The following GPBP1 variants were observed in gnomAD, a reference collection of about 807,000 sequenced individuals.
The protein encoded by GPBP1 is vasculin.
A neutral mutation model predicts 56.5 loss-of-function variants in GPBP1; 13 were observed. The ratio of observed to expected loss-of-function variants is 0.23; its 90% confidence interval spans 0.15 to 0.37. GPBP1 has a LOEUF of 0.37. Among genes scored for constraint, GPBP1 ranks in the 10% least tolerant of loss-of-function variants. The pLI is 1.00. For missense variants in GPBP1, 477 were observed against 572.3 expected, an observed-to-expected ratio of 0.83 and a Z score of 1.70; for synonymous variants, 204 against 188.9, an observed-to-expected ratio of 1.08 and a Z score of -0.66.
chr5:57,218,576 C>T (rs1057389391), intron 3 of GPBP1, among the ~76,000 whole-genome samples: 1 of 152,114 alleles, frequency 6.6e-6, no homozygotes, highest in South Asian at 2.1e-4. Context: ...AAAGTTCATA[C>T]CCTCTAATCA....
At chr5:57,197,574 G>T (rs1341910636) in intron 2 of GPBP1, among the ~76,000 whole-genome samples, 2 of 152,044 alleles carry the variant, frequency 1.3e-5, no homozygotes, top group African/African-American at 4.8e-5. Flanking sequence ...GGCCAGGCTG[G>T]TCTAGAACTC....
chr5:57,211,607 A>G (rs933761502), intron 2 of GPBP1, among the ~76,000 whole-genome samples: 4 of 122,206 alleles, frequency 3.3e-5, no homozygotes, highest in African/African-American at 1.3e-4. Flanking sequence ...GTTGTTGGAG[A>G]TGGAGTTTCC....
At chr5:57,177,146 A>T (rs760519203) in intron 2 of GPBP1, among the ~76,000 whole-genome samples, 3 of 152,174 alleles carry the variant, frequency 2.0e-5, no homozygotes, top group Non-Finnish European at 4.4e-5. Context: ...TCAAGAGGTT[A>T]TGCTGGCCTA....
intron 1 of GPBP1, among the ~76,000 whole-genome samples, chr5:57,174,448 G>A (rs527682530): frequency 6.6e-6 from 1 of 152,228 alleles, no homozygotes; most frequent in Admixed American, 6.5e-5. Context: ...GGGGGTGGGT[G>A]GTTTAGCCCC....
chr5:57,206,706 G>C (rs1168631193), intron 2 of GPBP1, among the ~76,000 whole-genome samples: 1 of 152,006 alleles, frequency 6.6e-6, no homozygotes. Flanking sequence ...TGGGTAGGGG[G>C]GTCCAATGGC....
At chr5:57,174,607 C>G (rs1350900645) in intron 1 of GPBP1, among the ~76,000 whole-genome samples, 2 of 152,076 alleles carry the variant, frequency 1.3e-5, no homozygotes, top group Non-Finnish European at 2.9e-5. Flanking sequence ...GAGTCGAGGC[C>G]GAGTTGTGGC....
intron 10 of GPBP1, among the ~76,000 whole-genome samples, chr5:57,254,430 C>T (rs905658617): frequency 1.3e-5 from 2 of 152,136 alleles, no homozygotes; most frequent in African/African-American, 4.8e-5. Context: ...CGTTGTGGCT[C>T]ACACCTGTAA....
At chr5:57,201,302 T>C (rs1478166956) in intron 2 of GPBP1, among the ~76,000 whole-genome samples, 8 of 152,114 alleles carry the variant, frequency 5.3e-5, no homozygotes, top group Admixed American at 2.6e-4. Flanking sequence ...AATTTTTTTT[T>C]CCCAGTACAG....
chr5:57,180,634 T>C (rs1754001095), intron 2 of GPBP1, among the ~76,000 whole-genome samples: 1 of 152,222 alleles, frequency 6.6e-6, no homozygotes, highest in African/African-American at 2.4e-5. Flanking sequence ...CCTGTGTGAC[T>C]GTATGTTCAC....
At chr5:57,208,552 A>G (rs751784453) in intron 2 of GPBP1, among the ~76,000 whole-genome samples, 4 of 151,792 alleles carry the variant, frequency 2.6e-5, no homozygotes, top group East Asian at 1.9e-4. Context: ...GAATTTTAAT[A>G]GAGATTACGT....
intron 2 of GPBP1, among the ~76,000 whole-genome samples, chr5:57,187,003 A>AGTGTGTGTGTGT (rs66642664): frequency 1.6e-4 from 24 of 146,784 alleles, no homozygotes; most frequent in South Asian, 6.6e-4. Flanking sequence ...GACTCAGAGA[A>AGTGTGTGTGTGT]GTGTGTGTGT....
chr5:57,187,939 A>G (rs1231826874), intron 2 of GPBP1, among the ~76,000 whole-genome samples: 1 of 151,882 alleles, frequency 6.6e-6, no homozygotes, highest in African/African-American at 2.4e-5. Context: ...ATATATGTAT[A>G]TATGACATTT....
At chr5:57,174,979 G>A (rs114457854) in intron 1 of GPBP1, among the ~76,000 whole-genome samples, 1,741 of 152,220 alleles carry the variant, frequency 0.011, 31 homozygotes, top group African/African-American at 0.04. Flanking sequence ...TCTAGTAGAC[G>A]TTCTGATTTG....
chr5:57,190,453 C>A (rs1295026629), intron 2 of GPBP1, among the ~76,000 whole-genome samples: 4 of 151,804 alleles, frequency 2.6e-5, no homozygotes, highest in Non-Finnish European at 5.9e-5. Context: ...AGCGTGTTGG[C>A]ACGCACCTGT....
In GPBP1 at chr5:57,190,667, C is replaced by G. The variant is rs146584191; in HGVS notation, c.-58+14267C>G. Among the ~76,000 whole-genome samples, 422 of 140,524 alleles carry G rather than the reference C, an allele frequency of 3.0e-3. 5 individuals are homozygous for G. The highest frequency in any genetic ancestry group is 0.01 in the African/African-American group (383 of 38,246). The allele number at this position is 140,524 out of a possible 152,430, so 92.2% of individuals were successfully genotyped here. ...ATATGAGCTTTTTGTCTGCTAGATT[C>G]AAGACTGGCTTTGGATTTGCTGTTA... On this transcript the variant is annotated intron_variant, in intron 2 of 11. Coordinates refer to ENST00000506184, the MANE Select transcript of GPBP1 (RefSeq NM_022913.4).
chr5:57,224,569 T>C (rs1756096883), intron 3 of GPBP1, among the ~76,000 whole-genome samples: 2 of 151,888 alleles, frequency 1.3e-5, no homozygotes, highest in African/African-American at 2.4e-5. Context: ...AGTCAGCCTT[T>C]CAAGTAGCTG....
At chr5:57,255,571 C>A (rs1424442102) in intron 10 of GPBP1, among the ~76,000 whole-genome samples, 1 of 152,206 alleles carries the variant, frequency 6.6e-6, no homozygotes, top group Non-Finnish European at 1.5e-5. Context: ...AATGTTACCT[C>A]TTAAGGAGAT....
chr5:57,245,648 C>G (rs1197414393), intron 6 of GPBP1: 1 of 152,146 alleles, frequency 6.6e-6, no homozygotes, highest in East Asian at 1.9e-4. Flanking sequence ...TTGGCAACTG[C>G]AGTAGTCTTG....
At chr5:57,219,413 A>AT (rs1755846105) in intron 3 of GPBP1, among the ~76,000 whole-genome samples, 1 of 61,134 alleles carries the variant, frequency 1.6e-5, no homozygotes. Context: ...ACCAAAAACA[A>AT]ACAAACAAAA....
Sources: gnomAD v4.1 joint callset for allele counts (sites outside exome capture counted in the v4.1 genomes callset) on GRCh38, gnomAD v4.1.1 for gene constraint, MANE v1.5 for transcripts, NCBI Gene and HGNC (gene_info 2026-07-23, HGNC 2026-07-21) for gene names.